Variants in SLC14A2 observed in about 807,000 individuals in gnomAD.
SLC14A2 encodes the protein solute carrier family 14 member 2.
In SLC14A2, 91 loss-of-function variants were observed where a neutral mutation model predicts 104.6. The observed-to-expected ratio is 0.87, with a 90% confidence interval of 0.73 to 1.04. The LOEUF is 1.04. Among genes scored for constraint, SLC14A2 ranks in the 50% least tolerant of loss-of-function variants. The pLI is 0.00. For synonymous variants in SLC14A2, 476 were observed against 466.4 expected (o/e 1.02, Z -0.27); for missense variants, 1,189 against 1,156.0 (o/e 1.03, Z -0.41).
chr18:45,396,817 C>T (rs1226485336), intron 1 of SLC14A2, among the ~76,000 whole-genome samples: 11 of 151,962 alleles, frequency 7.2e-5, no homozygotes, highest in Admixed American at 7.2e-4. Flanking sequence ...CCTCCCCTTC[C>T]TCCCACCCTC....
At chr18:45,387,176 A>G (rs930138298) in intron 1 of SLC14A2, among the ~76,000 whole-genome samples, 3 of 152,234 alleles carry the variant, frequency 2.0e-5, no homozygotes, top group African/African-American at 7.2e-5. Context: ...TCTGTATGTT[A>G]CAACCATGTA....
intron 2 of SLC14A2, among the ~76,000 whole-genome samples, chr18:45,538,832 G>A (rs1344528151): frequency 1.3e-5 from 2 of 149,760 alleles, no homozygotes; most frequent in Non-Finnish European, 3.0e-5. Context: ...AATGACCAAA[G>A]GTCCTTCTCC....
intron 1 of SLC14A2, among the ~76,000 whole-genome samples, chr18:45,253,564 C>A (rs2084445425): frequency 6.6e-6 from 1 of 151,656 alleles, no homozygotes; most frequent in South Asian, 2.1e-4. Context: ...AGCCCAGGCA[C>A]TTTAAAATTT....
chr18:45,275,005 T>C (rs1195695315), intron 1 of SLC14A2, among the ~76,000 whole-genome samples: 1 of 152,220 alleles, frequency 6.6e-6, no homozygotes, highest in East Asian at 1.9e-4. Context: ...TTATCCTTAG[T>C]TATGATTTTT....
At chr18:45,297,574 G>A (rs745365780) in intron 1 of SLC14A2, among the ~76,000 whole-genome samples, 13 of 152,260 alleles carry the variant, frequency 8.5e-5, no homozygotes, top group Middle Eastern at 3.4e-3. Flanking sequence ...CAAATCACTT[G>A]ATCTTCCTGG....
Position 45,542,035 on chromosome 18 carries a change from GTTTTTTTTTTTTTTTTTTTTTT to G in SLC14A2, c.-35+58729_-35+58750del, listed in dbSNP as rs60977948. Among the ~76,000 whole-genome samples, 10 of 54,236 alleles carry G rather than the reference GTTTTTTTTTTTTTTTTTTTTTT, an allele frequency of 1.8e-4. No individual in the cohort carries two copies. In the East Asian group the frequency reaches 5.8e-3, roughly 32 times the overall value. The allele number at this position is 54,236 out of a possible 152,430, so 35.6% of individuals were successfully genotyped here. ...GGGCTTGTTAGATGAAAGAGAGAGGGTTTTTTTTTTTTTTTTTTTTTTTTTTTTTTTTTTTTTGCTTTTGAGT... is the reference window on the plus strand; with the variant it reads ...GGGCTTGTTAGATGAAAGAGAGAGGGTTTTTTTTTTTTTTTGCTTTTGAGT... On this transcript the variant is annotated intron_variant, in intron 2 of 20. Coordinates refer to the SLC14A2 transcript ENST00000586448.
At chr18:45,168,721 C>T in the SLC14A2 span, 6 of 151,934 alleles carry the variant, frequency 3.9e-5, no homozygotes, top group Non-Finnish European at 8.8e-5. Flanking sequence ...TGATGAAGCA[C>T]TCAAATCAGG....
intron 1 of SLC14A2, among the ~76,000 whole-genome samples, chr18:45,228,806 G>T (rs532693955): frequency 6.6e-6 from 1 of 152,256 alleles, no homozygotes; most frequent in South Asian, 2.1e-4. Context: ...CACTCTGTAA[G>T]CTTAGGACCT....
At chr18:45,432,219 C>T (rs1477538730) in intron 1 of SLC14A2, among the ~76,000 whole-genome samples, 1 of 152,120 alleles carries the variant, frequency 6.6e-6, no homozygotes, top group East Asian at 1.9e-4. Context: ...ACGGAACCCT[C>T]CCCGTACAGT....
intron 1 of SLC14A2, among the ~76,000 whole-genome samples, chr18:45,264,685 A>G (rs572573676): frequency 6.6e-6 from 1 of 152,214 alleles, no homozygotes; most frequent in South Asian, 2.1e-4. Context: ...AAATCAACAG[A>G]TCTCGTGAGA....
intron 1 of SLC14A2, among the ~76,000 whole-genome samples, chr18:45,272,702 G>T (rs987563618): frequency 6.6e-6 from 1 of 151,836 alleles, no homozygotes; most frequent in East Asian, 1.9e-4. Context: ...AGCACAATAG[G>T]GTGACTTTAG....
At chr18:45,268,034 G>A (rs12454704) in intron 1 of SLC14A2, among the ~76,000 whole-genome samples, 2 of 152,002 alleles carry the variant, frequency 1.3e-5, no homozygotes, top group African/African-American at 4.8e-5. Flanking sequence ...CCACAATTCA[G>A]CACTTGACCG....
intron 1 of SLC14A2, among the ~76,000 whole-genome samples, chr18:45,354,926 TTTTG>T (rs1446502025): frequency 6.6e-6 from 1 of 152,218 alleles, no homozygotes; most frequent in Non-Finnish European, 1.5e-5. Context: ...CTATGTTTTG[TTTTG>T]TTTGTTTTGT....
At chr18:45,316,134 A>G (rs968625857) in intron 1 of SLC14A2, among the ~76,000 whole-genome samples, 4 of 152,132 alleles carry the variant, frequency 2.6e-5, no homozygotes, top group Non-Finnish European at 4.4e-5. Context: ...TGTTGAACCA[A>G]AGGAGAGCCC....
chr18:45,592,592 C>CAAAACACACTGTATTATATTCCTACCAG (rs2044663926), intron 2 of SLC14A2, among the ~76,000 whole-genome samples: 2 of 152,204 alleles, frequency 1.3e-5, no homozygotes, highest in Non-Finnish European at 2.9e-5. Flanking sequence ...GCTTCACAGC[C>CAAAACACACTGTATTATATTCCTACCAG]AAAACACACT....
chr18:45,187,618 G>A, the SLC14A2 span, among the ~76,000 whole-genome samples: 2 of 152,068 alleles, frequency 1.3e-5, no homozygotes, highest in African/African-American at 4.8e-5. Flanking sequence ...GCATTAACGT[G>A]TGGTTGCCAA....
At position 45,480,930 on chromosome 18, in the gene SLC14A2, A is replaced by AATATAT. The variant is rs147910850; in HGVS notation, c.-124-2292_-124-2287dup. Among the ~76,000 whole-genome samples the AATATAT allele has an allele frequency of 1.5e-4, 22 of 150,626 alleles. No individual in the cohort carries two copies. The East Asian group carries it at 4.1e-3, about 28-fold the overall frequency. ...TTCTTTTCTTCTTCCCAGTTTTTAA[A>AATATAT]ATATATATATATATATTAAGACTCA... is the stretch of plus-strand genomic sequence containing the variant. On this transcript the variant is annotated intron_variant, in intron 1 of 20. Transcript: ENST00000586448.
rs2044663368 is a variant in SLC14A2, at chr18:45,592,543, C to T, written c.-34-32088C>T. 2.0e-5 allele frequency among the ~76,000 whole-genome samples: 3 copies of T among 152,238 alleles called. No homozygotes were observed. In the South Asian group the frequency reaches 6.2e-4, roughly 31 times the overall value. On this transcript the variant is annotated intron_variant, in intron 2 of 20. Transcript: ENST00000586448. Reference sequence around the variant, plus strand: ...TAGTGGCCAAGCATGCTGCCTGAGACTCAAGACTAGAAGGCAGTGGTCTAG... The same window carrying T: ...TAGTGGCCAAGCATGCTGCCTGAGATTCAAGACTAGAAGGCAGTGGTCTAG...
At chr18:45,183,906 A>ATT in the SLC14A2 span, among the ~76,000 whole-genome samples, 3,177 of 62,636 alleles carry the variant, frequency 0.051, 715 homozygotes, top group East Asian at 0.094. Context: ...TAATTTTCTA[A>ATT]TTTTTTTTTT....
Sources: allele counts gnomAD v4.1 joint callset (sites outside exome capture counted in the v4.1 genomes callset), GRCh38; gene constraint gnomAD v4.1.1; transcripts MANE v1.5; gene names NCBI Gene and HGNC (gene_info 2026-07-23, HGNC 2026-07-21).